The following ATP11A variants were observed in gnomAD, a reference collection of about 807,000 sequenced individuals.
The protein encoded by ATP11A is phospholipid-transporting ATPase IH.
A neutral mutation model predicts 154.4 loss-of-function variants in ATP11A; 81 were observed. That is an observed-to-expected ratio of 0.52 (90% CI 0.44 to 0.63). ATP11A has a LOEUF of 0.63. Ranked by LOEUF, ATP11A falls within the 30% of genes least tolerant of loss-of-function variation. ATP11A has a pLI of 0.00. For synonymous variants in ATP11A, 623 were observed against 585.9 expected, an observed-to-expected ratio of 1.06 and a Z score of -0.91; for missense variants, 1,316 against 1,474.3, an observed-to-expected ratio of 0.89 and a Z score of 1.76.
At chr13:112,718,129 G>A (rs750205467) in intron 1 of ATP11A, among the ~76,000 whole-genome samples, 5 of 147,758 alleles carry the variant, frequency 3.4e-5, no homozygotes, top group Non-Finnish European at 6.0e-5. Flanking sequence ...CCCCCACCCC[G>A]CCAAGGCGTG....
intron 11 of ATP11A, 95 bp downstream of exon 11, chr13:112,825,675 G>T: frequency 7.0e-7 from 1 of 1,423,560 alleles, no homozygotes; most frequent in Non-Finnish European, 9.4e-7. Flanking sequence ...TGAATTTACT[G>T]TAGGCAAAAA....
chr13:112,763,504 C>T (rs1255396099), intron 1 of ATP11A, among the ~76,000 whole-genome samples: 1 of 152,132 alleles, frequency 6.6e-6, no homozygotes, highest in African/African-American at 2.4e-5. Flanking sequence ...TTGAAATGGC[C>T]CCTCACAGCT....
chr13:112,720,260 G>C (rs1351673553), intron 1 of ATP11A, among the ~76,000 whole-genome samples: 4 of 152,238 alleles, frequency 2.6e-5, no homozygotes, highest in Non-Finnish European at 5.9e-5. Context: ...GTATACATTG[G>C]TTTAGCCCAG....
intron 1 of ATP11A, among the ~76,000 whole-genome samples, chr13:112,698,726 ATTTATT>A (rs909953393): frequency 3.3e-5 from 4 of 120,286 alleles, no homozygotes; most frequent in African/African-American, 1.1e-4. Flanking sequence ...ATCTTTATTT[ATTTATT>A]TTTGAGACAA....
At chr13:112,794,607 C>T (rs901423937) in intron 2 of ATP11A, among the ~76,000 whole-genome samples, 1 of 152,362 alleles carries the variant, frequency 6.6e-6, no homozygotes. Context: ...CAGTGGCTCA[C>T]ACCTGTAATC....
chr13:112,850,715 C>A (rs1403917866), intron 17 of ATP11A, among the ~76,000 whole-genome samples: 1 of 151,670 alleles, frequency 6.6e-6, no homozygotes, highest in Non-Finnish European at 1.5e-5. Flanking sequence ...AATAAAGGAA[C>A]AAATTTTATC....
At chr13:112,834,231 G>A (rs1296329540) in intron 14 of ATP11A, among the ~76,000 whole-genome samples, 1 of 152,212 alleles carries the variant, frequency 6.6e-6, no homozygotes, top group South Asian at 2.1e-4. Flanking sequence ...CGTGTTCTCC[G>A]CTCAACAACA....
At chr13:112,868,765 T>G (rs1176931239) in intron 25 of ATP11A, among the ~76,000 whole-genome samples, 2 of 152,138 alleles carry the variant, frequency 1.3e-5, no homozygotes, top group African/African-American at 2.4e-5. Flanking sequence ...AAGAGCTACC[T>G]GAGACAGGGT....
chr13:112,836,624 AC>A (rs2079241815), intron 16 of ATP11A, among the ~76,000 whole-genome samples: 1 of 152,240 alleles, frequency 6.6e-6, no homozygotes, highest in Admixed American at 6.5e-5. Context: ...TTTTTAAATA[AC>A]CATTTTCAAG....
chr13:112,701,849 A>G (rs1886580879), intron 1 of ATP11A, among the ~76,000 whole-genome samples: 1 of 151,934 alleles, frequency 6.6e-6, no homozygotes, highest in South Asian at 2.1e-4. Flanking sequence ...AACCCCAGCA[A>G]TGGACTGAGG....
At chr13:112,836,504 T>C (rs2079238770) in intron 16 of ATP11A, among the ~76,000 whole-genome samples, 2 of 152,184 alleles carry the variant, frequency 1.3e-5, no homozygotes, top group East Asian at 1.9e-4. Flanking sequence ...TAGTGTCGAG[T>C]TGGGGCCACT....
intron 1 of ATP11A, among the ~76,000 whole-genome samples, chr13:112,699,008 G>A (rs553362396): frequency 1.3e-4 from 20 of 152,354 alleles, no homozygotes; most frequent in East Asian, 9.6e-4. Context: ...CATTACAGGT[G>A]TCAGCCACCG....
intron 4 of ATP11A, among the ~76,000 whole-genome samples, chr13:112,809,957 C>T (rs2078442470): frequency 6.6e-6 from 1 of 152,226 alleles, no homozygotes; most frequent in South Asian, 2.1e-4. Flanking sequence ...TCAGGGTTAG[C>T]TCAGGCTGCT....
rs1302658880 is a variant in ATP11A at position 112,819,464 on chromosome 13, T to G, written c.674+57T>G. On this transcript the variant is annotated intron_variant, in intron 7 of 29. Coordinates refer to ENST00000375645, the MANE Select transcript of ATP11A (RefSeq NM_015205.3). Reference sequence around the variant, plus strand: ...GTTTTTTATGCCCTCAACATTGCTCTTGCTTTTTCACCCCAAGTAGTCCAG... The same window carrying G: ...GTTTTTTATGCCCTCAACATTGCTCGTGCTTTTTCACCCCAAGTAGTCCAG... 9 of 1,493,822 alleles carry G rather than the reference T, an allele frequency of 6.0e-6. No individual in the cohort carries two copies. In the Admixed American group the frequency reaches 1.6e-4, roughly 26 times the overall value. The allele number at this position is 1,493,822 out of a possible 1,614,324, so 92.5% of individuals were successfully genotyped here. A position where few individuals can be genotyped will look rare whatever the true frequency, so the allele number is the denominator to read the frequency against.
Position 112,860,362 on chromosome 13 carries a change from A to G in ATP11A, c.2803A>G (p.Met935Val). The change falls in exon 24 of 30, where the codon ATG becomes GTG. Residue 935 changes from methionine to valine, a missense_variant. Around this residue, in one of 5 missense-constraint regions of ATP11A, gnomAD observed 294 missense variants for 290.2 expected, o/e 1.01. Transcript: ENST00000375645. The part of the protein sequence containing the change: ...TSLPILLYSL[M>V]EQHVGIDVLK... ...CCTCCCCATCCTCCTGTACAGCCTC[A>G]TGGAGCAGCATGTTGGCATTGACGT... 1.2e-6 allele frequency: 2 copies of G among 1,614,078 alleles called. No homozygotes were observed. The highest frequency in any genetic ancestry group is 1.7e-6 in the Non-Finnish European group (2 of 1,180,000).
rs2078948284 is a variant in ATP11A at position 112,826,896 on chromosome 13, G to T, written c.1221+5G>T. The T allele has an allele frequency of 6.2e-7, 1 of 1,614,186 alleles. No homozygotes were observed. Among genetic ancestry groups the T allele is most frequent in the Non-Finnish European group, 8.5e-7 (1 of 1,180,016 alleles). ...CTCAATGAAGAGCTGGGACAGGTTG[G>T]TGTCTCCTGAGTCATCTGCTGTGAT... On this transcript the variant is annotated splice_donor_5th_base_variant and intron_variant, in intron 12 of 29. Transcript: ENST00000375645.
intron 1 of ATP11A, among the ~76,000 whole-genome samples, chr13:112,770,784 C>G (rs2094810): frequency 0.52 from 78,474 of 151,868 alleles, 21,269 homozygotes; most frequent in African/African-American, 0.69. Flanking sequence ...TAGGAGGCGG[C>G]GATGGCGAGT....
chr13:112,753,214 C>T lies in ATP11A; in HGVS notation c.40-31921C>T, dbSNP rs1350653725. On this transcript the variant is annotated intron_variant, in intron 1 of 29. Coordinates refer to ENST00000375645, the MANE Select transcript of ATP11A (RefSeq NM_015205.3). The surrounding 1 kb of genome is among the most constrained non-coding windows in gnomAD (Gnocchi z 4.1). ...TGTCTGCACAGCTGCGTGATGTTCC[C>T]CTGTGGACTCAACCTCCCCCGCCCC... is the stretch of plus-strand genomic sequence containing the variant. Among the ~76,000 whole-genome samples the T allele has an allele frequency of 6.6e-6, 1 of 152,158 alleles. No homozygotes were observed. The highest frequency in any genetic ancestry group is 1.5e-5 in the Non-Finnish European group (1 of 68,042).
At chr13:112,821,962 G>A (rs1459342922) in intron 8 of ATP11A, among the ~76,000 whole-genome samples, 2 of 152,144 alleles carry the variant, frequency 1.3e-5, no homozygotes, top group East Asian at 3.9e-4. Flanking sequence ...CGGGGAGGAC[G>A]CGCGTGGAGC....
Sources: allele counts gnomAD v4.1 joint callset (sites outside exome capture counted in the v4.1 genomes callset), GRCh38; gene constraint gnomAD v4.1.1; regional missense constraint gnomAD v4.1.1; non-coding constraint Gnocchi (gnomAD v3.1); transcripts MANE v1.5; gene names NCBI Gene and HGNC (gene_info 2026-07-23, HGNC 2026-07-21).